IRAK1BP1: variants seen among roughly 807,000 people sequenced by gnomAD.
IRAK1BP1 encodes interleukin-1 receptor-associated kinase 1-binding protein 1.
IRAK1BP1 carries 24 observed loss-of-function variants against 28.0 expected under a neutral mutation model. The observed-to-expected ratio is 0.86, with a 90% CI of 0.62 to 1.20. The LOEUF is 1.20. Ranked by LOEUF, IRAK1BP1 falls within the 50% of genes most tolerant of loss-of-function variation. IRAK1BP1 has a pLI of 0.00. For synonymous variants in IRAK1BP1, 131 were observed against 116.3 expected (o/e 1.13, Z -0.81); for missense variants, 336 against 316.7 (o/e 1.06, Z -0.46).
intron 4 of IRAK1BP1, among the ~76,000 whole-genome samples, chr6:78,913,845 A>G (rs1027862913): frequency 1.3e-5 from 2 of 149,190 alleles, no homozygotes; most frequent in Non-Finnish European, 1.5e-5. Context: ...ATATTGGGTA[A>G]AATAAAATAG....
chr6:78,958,115 T>C, the IRAK1BP1 span: 9 of 161,116 alleles, frequency 5.6e-5, no homozygotes, highest in Non-Finnish European at 1.1e-4. Context: ...AAGATTGTTA[T>C]TTGGGTTAGA....
At chr6:78,877,825 G>A (rs1184899671) in intron 1 of IRAK1BP1, among the ~76,000 whole-genome samples, 1 of 152,090 alleles carries the variant, frequency 6.6e-6, no homozygotes, top group Admixed American at 6.5e-5. Context: ...CTTAGCAAAC[G>A]ACACACCAGG....
chr6:78,935,255 T>C (rs1773228458), intron 4 of IRAK1BP1, among the ~76,000 whole-genome samples: 1 of 152,164 alleles, frequency 6.6e-6, no homozygotes, highest in African/African-American at 2.4e-5. Flanking sequence ...TACAAAATCA[T>C]TTTAACAAAA....
At chr6:78,970,701 A>T in the IRAK1BP1 span, 2 of 870,526 alleles carry the variant, frequency 2.3e-6, no homozygotes, top group Admixed American at 2.5e-5. Context: ...TTATTGTGTT[A>T]ATAGTAACCT....
chr6:78,889,142 A>G (rs1771538952), intron 2 of IRAK1BP1, among the ~76,000 whole-genome samples: 1 of 151,144 alleles, frequency 6.6e-6, no homozygotes, highest in Admixed American at 6.6e-5. Flanking sequence ...AAAGAAAGAA[A>G]GAAAGATTAG....
chr6:78,888,459 A>C (rs553504186), intron 2 of IRAK1BP1, among the ~76,000 whole-genome samples: 1 of 152,280 alleles, frequency 6.6e-6, no homozygotes, highest in Non-Finnish European at 1.5e-5. Context: ...CAAACTCATC[A>C]AATTGTATAT....
intron 4 of IRAK1BP1, among the ~76,000 whole-genome samples, chr6:78,929,540 T>C (rs2127669520): frequency 6.6e-6 from 1 of 151,986 alleles, no homozygotes; most frequent in East Asian, 1.9e-4. Context: ...GACTAGTAGA[T>C]GGGGGAAGGA....
At chr6:78,941,335 A>T (rs761786860) in intron 4 of IRAK1BP1, 1 of 1,609,192 alleles carries the variant, frequency 6.2e-7, no homozygotes, top group Non-Finnish European at 8.5e-7. Context: ...AATCTCCTAA[A>T]AGGGAACAAC....
intron 4 of IRAK1BP1, among the ~76,000 whole-genome samples, chr6:78,920,151 G>A (rs953428286): frequency 3.9e-5 from 6 of 152,292 alleles, no homozygotes; most frequent in African/African-American, 1.2e-4. Context: ...CTACTCAGGA[G>A]GCTGAGGTAG....
chr6:78,867,559 A>G lies in IRAK1BP1; in HGVS notation c.-18A>G, dbSNP rs767837220. The G allele has an allele frequency of 4.9e-5, 79 of 1,608,276 alleles. No individual in the cohort carries two copies. The highest frequency in any genetic ancestry group is 6.5e-5 in the Non-Finnish European group (76 of 1,176,926). On this transcript the variant is annotated 5_prime_UTR_variant, in exon 1 of 4. Transcript: ENST00000369940. The stretch of plus-strand genomic sequence containing the variant: ...GCCGTCGGCCGGTAGTTACTATGGA[A>G]ACCCAGCTGCCATCGCTATGTCTCT...
chr6:78,965,607 T>C, the IRAK1BP1 span: 8 of 708,452 alleles, frequency 1.1e-5, no homozygotes, highest in African/African-American at 1.8e-5. Flanking sequence ...TATTTGATAC[T>C]CACAACTGTA....
intron 1 of IRAK1BP1, among the ~76,000 whole-genome samples, chr6:78,879,698 C>A (rs562488418): frequency 6.6e-6 from 1 of 152,294 alleles, no homozygotes; most frequent in African/African-American, 2.4e-5. Context: ...CTGGATGGAA[C>A]AAACCTTACT....
intron 4 of IRAK1BP1, among the ~76,000 whole-genome samples, chr6:78,924,101 A>C (rs1363854442): frequency 2.0e-5 from 3 of 152,296 alleles, no homozygotes; most frequent in African/African-American, 7.2e-5. Flanking sequence ...AGACACAAAA[A>C]ACCCTTCAAA....
intron 2 of IRAK1BP1, among the ~76,000 whole-genome samples, chr6:78,891,268 A>G (rs1771650548): frequency 1.3e-5 from 2 of 152,212 alleles, no homozygotes; most frequent in Admixed American, 1.3e-4. Context: ...GTTCAGCTGT[A>G]AACAATCATA....
At position 78,910,730 on chromosome 6, in the gene IRAK1BP1, C is replaced by A. The variant is rs371099966; in HGVS notation, c.*67+7620C>A. Among the ~76,000 whole-genome samples the A allele has an allele frequency of 5.9e-5, 9 of 152,386 alleles. No homozygotes were observed. In the East Asian group the frequency reaches 1.5e-3, roughly 26 times the overall value. Reference sequence around the variant, plus strand: ...GGGCGCAGGCGGCGGCCGCAAGGACCGCGGATGCTTGAATCGCGCTTCTCG... The same window carrying A: ...GGGCGCAGGCGGCGGCCGCAAGGACAGCGGATGCTTGAATCGCGCTTCTCG... On this transcript the variant is annotated intron_variant and NMD_transcript_variant, in intron 4 of 4. Coordinates refer to the IRAK1BP1 transcript ENST00000606868.
At chr6:78,867,999 G>A (rs1770648337) in intron 1 of IRAK1BP1, 108 bp downstream of exon 1, 11 of 1,216,414 alleles carry the variant, frequency 9.0e-6, no homozygotes, top group South Asian at 1.6e-5. Context: ...GGAGGGTCTG[G>A]AGCGTTTAGG....
the IRAK1BP1 span, among the ~76,000 whole-genome samples, chr6:78,952,309 C>T: frequency 6.6e-6 from 1 of 151,522 alleles, no homozygotes; most frequent in South Asian, 2.1e-4. Flanking sequence ...ATCCCAGCTA[C>T]TCGTGAGGCC....
chr6:78,963,978 A>G, the IRAK1BP1 span, among the ~76,000 whole-genome samples: 10 of 152,208 alleles, frequency 6.6e-5, no homozygotes, highest in Non-Finnish European at 1.3e-4. Flanking sequence ...ACCACCCTTC[A>G]ATATATTTAG....
downstream of IRAK1BP1, among the ~76,000 whole-genome samples, chr6:78,907,562 A>G (rs184922069): frequency 4.6e-5 from 7 of 152,306 alleles, no homozygotes; most frequent in East Asian, 1.4e-3. Flanking sequence ...CATTTAATCC[A>G]TAGTTTCTGT....
Sources: allele counts gnomAD v4.1 joint callset (sites outside exome capture counted in the v4.1 genomes callset), GRCh38; gene constraint gnomAD v4.1.1; transcripts MANE v1.5; gene names NCBI Gene and HGNC (gene_info 2026-07-23, HGNC 2026-07-21).